Variants in ATP6V1B1 observed in about 807,000 individuals in gnomAD.
The protein encoded by ATP6V1B1 is ATPase H+ transporting V1 subunit B1, also known as V-type proton ATPase subunit B, kidney isoform.
Under a neutral mutation model 62.1 loss-of-function variants are expected in ATP6V1B1, and 41 were observed. The observed-to-expected ratio is 0.66, with a 90% confidence interval of 0.51 to 0.86. The LOEUF is 0.86. Ranked by LOEUF, ATP6V1B1 falls within the 40% of genes least tolerant of loss-of-function variation. ATP6V1B1 has a pLI of 0.00. For missense variants in ATP6V1B1, 651 were observed against 697.5 expected, an observed-to-expected ratio of 0.93 and a Z score of 0.75; for synonymous variants, 253 against 273.4, an observed-to-expected ratio of 0.93 and a Z score of 0.74.
Position 70,963,342 on chromosome 2 carries a change from G to C in ATP6V1B1, c.1060+30G>C, listed in dbSNP as rs782403639. 1.2e-6 allele frequency: 2 copies of C among 1,612,128 alleles called. No individual in the cohort carries two copies. The highest frequency in any genetic ancestry group is 2.7e-5 in the African/African-American group (2 of 74,908). On this transcript the variant is annotated intron_variant, in intron 10 of 13. Transcript: ENST00000234396. This position sits in a 1 kb window ranked among gnomAD's most constrained non-coding sequence, Gnocchi z 4.3. ...CCTCCTCACAGCCCACTACCCTCCA[G>C]AGCTCCCCTGTCCTCCCTTTTCCAA...
chr2:70,940,013 G>C (rs782030838), intron 1 of ATP6V1B1: 1 of 152,202 alleles, frequency 6.6e-6, no homozygotes, highest in Non-Finnish European at 1.5e-5. Flanking sequence ...TCACCCGAGC[G>C]GCCTGGCCGG....
At chr2:70,948,489 C>T (rs576853105) in intron 2 of ATP6V1B1, 2 of 154,984 alleles carry the variant, frequency 1.3e-5, no homozygotes, top group South Asian at 4.1e-4. Context: ...CCCTCCGTCA[C>T]CTCCAGGGAG....
chr2:70,960,914 G>A lies in ATP6V1B1; in HGVS notation c.586-7G>A, dbSNP rs781866969. 5 of 1,603,330 alleles carry A rather than the reference G, an allele frequency of 3.1e-6. No homozygotes were observed. Among genetic ancestry groups the A allele is most frequent in the Non-Finnish European group, 4.3e-6 (5 of 1,174,818 alleles). Reference sequence around the variant, plus strand: ...GACGTCCTCCTGCCCAATCCACTCTGCCCTAGATTGCCGCTCAGATCTGCC... The same window carrying A: ...GACGTCCTCCTGCCCAATCCACTCTACCCTAGATTGCCGCTCAGATCTGCC... On this transcript the variant is annotated splice_polypyrimidine_tract_variant and splice_region_variant and intron_variant, in intron 6 of 13. Transcript: ENST00000234396.
At chr2:70,949,920 A>G (rs374779398) in intron 2 of ATP6V1B1, among the ~76,000 whole-genome samples, 52 of 152,328 alleles carry the variant, frequency 3.4e-4, no homozygotes, top group African/African-American at 1.2e-3. Context: ...GACATTGCTC[A>G]TCTGTCTTTT....
chr2:70,936,613 G>A (rs1553415440), intron 1 of ATP6V1B1, among the ~76,000 whole-genome samples: 2 of 152,154 alleles, frequency 1.3e-5, no homozygotes, highest in Admixed American at 1.3e-4. Flanking sequence ...GCAGGTAGGA[G>A]CATGTGCCTA....
chr2:70,958,187 T>C, intron 3 of ATP6V1B1, 43 bp downstream of exon 3: 1 of 1,603,754 alleles, frequency 6.2e-7, no homozygotes, highest in Non-Finnish European at 8.5e-7. Flanking sequence ...AATCAATGAA[T>C]TAACCCATAA....
chr2:70,951,413 G>A (rs1311980575), intron 2 of ATP6V1B1, among the ~76,000 whole-genome samples: 3 of 151,994 alleles, frequency 2.0e-5, no homozygotes, highest in Non-Finnish European at 2.9e-5. Context: ...ACCTGATATC[G>A]GGTAAGCTGA....
intron 11 of ATP6V1B1, chr2:70,964,125 T>TG: frequency 3.3e-6 from 1 of 306,664 alleles, no homozygotes; most frequent in South Asian, 4.2e-5. Context: ...TTTTTTTTTT[T>TG]TTTTTTTTTT....
chr2:70,958,075 C>T lies in ATP6V1B1; in HGVS notation c.204C>T (p.Phe68=), dbSNP rs371041253. The change falls in exon 3 of 14, where the codon TTC becomes TTT. Residue 68 remains phenylalanine, a synonymous_variant. Transcript: ENST00000234396. The stretch of plus-strand genomic sequence containing the variant: ...CCCAGTATGCGGAGATCGTCCACTT[C>T]ACCCTCCCAGATGGGACTCAGAGGA... The part of the protein sequence containing the change: ...KFAQYAEIVH[F]TLPDGTQRSG... 26 of 1,614,062 alleles carry T rather than the reference C, an allele frequency of 1.6e-5. No homozygotes were observed. Among genetic ancestry groups the T allele is most frequent in the Non-Finnish European group, 1.4e-5 (16 of 1,180,038 alleles).
Position 70,959,417 on chromosome 2 carries a change from A to G in ATP6V1B1, c.445+322A>G, listed in dbSNP as rs1680526193. ...GTCCATTCAAGTGGGCACCTTCCCC[A>G]GGCCTCAAACCCTATCCCATCTGTT... On this transcript the variant is annotated intron_variant, in intron 5 of 13. Transcript: ENST00000234396. This position sits in a 1 kb window ranked among gnomAD's most constrained non-coding sequence, Gnocchi z 4.2. 6.6e-6 allele frequency among the ~76,000 whole-genome samples: 1 copy of G among 152,186 alleles called. No individual in the cohort carries two copies. Among genetic ancestry groups the G allele is most frequent in the Non-Finnish European group, 1.5e-5 (1 of 68,040 alleles).
intron 1 of ATP6V1B1, chr2:70,940,366 C>T (rs1572905860): frequency 1.0e-6 from 1 of 985,214 alleles, no homozygotes; most frequent in Non-Finnish European, 1.2e-6. Flanking sequence ...CCAGCCCACC[C>T]ACCCTGCATC....
Position 70,963,782 on chromosome 2 carries a change from C to A in ATP6V1B1, c.1143+128C>A. The A allele has an allele frequency of 1.0e-6, 1 of 977,880 alleles. No homozygotes were observed. The highest frequency in any genetic ancestry group is 1.6e-6 in the Non-Finnish European group (1 of 622,832). The allele number at this position is 977,880 out of a possible 1,614,324, so 60.6% of individuals were successfully genotyped here. On this transcript the variant is annotated intron_variant, in intron 11 of 13. Coordinates refer to ENST00000234396, the MANE Select transcript of ATP6V1B1 (RefSeq NM_001692.4). This position sits in a 1 kb window ranked among gnomAD's most constrained non-coding sequence, Gnocchi z 4.3. Reference sequence around the variant, plus strand: ...GCGAACCCCAAACAGGAGACAGCCACAGGGAAGACTGCATGGTTCACAGAC... The same window carrying A: ...GCGAACCCCAAACAGGAGACAGCCAAAGGGAAGACTGCATGGTTCACAGAC...
chr2:70,944,271 CTA>C lies in ATP6V1B1; in HGVS notation c.174+560_174+561del, dbSNP rs368572547. 429 of 1,261,818 alleles carry C rather than the reference CTA, an allele frequency of 3.4e-4. 3 individuals are homozygous for C. Among genetic ancestry groups the C allele is most frequent in the Middle Eastern group, 2.0e-3 (9 of 4,570 alleles). The allele number at this position is 1,261,818 out of a possible 1,614,324, so 78.2% of individuals were successfully genotyped here. On this transcript the variant is annotated intron_variant, in intron 2 of 13. Transcript: ENST00000234396. ...CCACCAAAGGTAAGTGGGCTGTGGG[CTA>C]TTTTGTAGCCCCTGGGAAACTGGCA... is the stretch of plus-strand genomic sequence containing the variant.
chr2:70,964,573 G>T, intron 12 of ATP6V1B1, 31 bp downstream of exon 12: 5 of 1,611,738 alleles, frequency 3.1e-6, no homozygotes, highest in Non-Finnish European at 2.5e-6. Context: ...GGGCTGGTAG[G>T]TCCTCTAGTT....
chr2:70,964,112 G>GTTTTTTTTTTT (rs1330555546), intron 11 of ATP6V1B1: 176 of 158,250 alleles, frequency 1.1e-3, no homozygotes, highest in African/African-American at 8.5e-3. Context: ...TGCTTGGCAG[G>GTTTTTTTTTTT]TATTTTTTTT....
chr2:70,964,114 ATTTTTTTTT>A (rs66905923), intron 11 of ATP6V1B1: 11 of 127,346 alleles, frequency 8.6e-5, no homozygotes, highest in African/African-American at 1.2e-4. Flanking sequence ...CTTGGCAGGT[ATTTTTTTTT>A]TTTTTTTTTT....
At position 70,944,255 on chromosome 2, in the gene ATP6V1B1, G is replaced by GT. The variant is rs1558670155; in HGVS notation, c.174+543dup. The GT allele has an allele frequency of 3.1e-6, 4 of 1,283,076 alleles. No homozygotes were observed. The South Asian group carries it at 5.0e-5, about 16-fold the overall frequency. The allele number at this position is 1,283,076 out of a possible 1,614,324, so 79.5% of individuals were successfully genotyped here. A position where few individuals can be genotyped will look rare whatever the true frequency, so the allele number is the denominator to read the frequency against. The stretch of plus-strand genomic sequence containing the variant: ...GTAAGTGAAGTGGGCCCCACCAAAG[G>GT]TAAGTGGGCTGTGGGCTATTTTGTA... On this transcript the variant is annotated intron_variant, in intron 2 of 13. Transcript: ENST00000234396.
At chr2:70,961,739 C>T (rs374923724) in intron 8 of ATP6V1B1, 46 bp downstream of exon 8, 86 of 1,570,276 alleles carry the variant, frequency 5.5e-5, no homozygotes, top group African/African-American at 1.5e-4. Context: ...GGGCAGACCC[C>T]GTCCCCTTCC....
Position 70,959,049 on chromosome 2 carries a change from T to A in ATP6V1B1, c.399T>A (p.Ile133=), listed in dbSNP as rs1431090625. 6.2e-7 allele frequency: 1 copy of A among 1,614,134 alleles called. No individual in the cohort carries two copies. ...TTTTCAATGGCTCCGGCAAGCCCAT[T>A]GACAAGGGGCCAGTGGTCATGGCGG... ...GRVFNGSGKP[I]DKGPVVMAED... Residue 133 remains isoleucine (I), a synonymous_variant, in exon 5 of 14, where the codon ATT becomes ATA. Transcript: ENST00000234396. The surrounding 1 kb of genome is among the most constrained non-coding windows in gnomAD (Gnocchi z 4.2).
Sources: gnomAD v4.1 joint callset for allele counts (sites outside exome capture counted in the v4.1 genomes callset) on GRCh38, gnomAD v4.1.1 for gene constraint, Gnocchi (gnomAD v3.1) non-coding constraint, MANE v1.5 for transcripts, NCBI Gene and HGNC (gene_info 2026-07-23, HGNC 2026-07-21) for gene names.